The following PINX1 variants were observed in gnomAD, a reference collection of about 807,000 sequenced individuals.
PINX1 encodes PIN2/TERF1-interacting telomerase inhibitor 1.
Under a neutral mutation model 25.4 loss-of-function variants are expected in PINX1, and 34 were observed. The ratio of observed to expected loss-of-function variants is 1.34; its 90% CI spans 1.02 to 1.78. The LOEUF is 1.78. Ranked by LOEUF, PINX1 falls within the 40% of genes most tolerant of loss-of-function variation. PINX1 has a pLI of 0.00. For synonymous variants in PINX1, 197 were observed against 147.7 expected (o/e 1.33, Z -2.42); for missense variants, 592 against 404.9 (o/e 1.46, Z -3.97).
At chr8:10,813,701 G>C (rs1338163250) in intron 6 of PINX1, among the ~76,000 whole-genome samples, 1 of 152,154 alleles carries the variant, frequency 6.6e-6, no homozygotes, top group Non-Finnish European at 1.5e-5. Flanking sequence ...AATTCAATCA[G>C]GTTAGAGAGG....
At chr8:10,772,869 G>C (rs1801272373) in intron 6 of PINX1, among the ~76,000 whole-genome samples, 1 of 152,136 alleles carries the variant, frequency 6.6e-6, no homozygotes, top group Non-Finnish European at 1.5e-5. Context: ...AGGGGTTCCA[G>C]AGGGTTCTCT....
At position 10,832,879 on chromosome 8, in the gene PINX1, C is replaced by A; in HGVS notation, c.222+13G>T. 1 of 1,543,984 alleles carries A rather than the reference C, an allele frequency of 6.5e-7. No individual in the cohort carries two copies. Among genetic ancestry groups the A allele is most frequent in the Non-Finnish European group, 8.9e-7 (1 of 1,118,762 alleles). ...TATGCAAAGACACCCAGGAGGCACA[C>A]ACTGCTGCTCACTTCATTATTGATG... On this transcript the variant is annotated intron_variant, in intron 3 of 6. Transcript: ENST00000314787.
intron 6 of PINX1, among the ~76,000 whole-genome samples, chr8:10,773,264 C>T (rs1022529612): frequency 6.6e-5 from 10 of 152,146 alleles, no homozygotes; most frequent in East Asian, 5.8e-4. Context: ...AACTGGAGGA[C>T]GCTGGGCTTT....
rs1283140190 is a variant in PINX1 at position 10,797,680 on chromosome 8, TTCA to T, written c.471+22510_471+22512del. Among the ~76,000 whole-genome samples the T allele has an allele frequency of 9.2e-5, 14 of 152,350 alleles. No individual in the cohort carries two copies. In the South Asian group the frequency reaches 2.9e-3, roughly 32 times the overall value. On this transcript the variant is annotated intron_variant, in intron 6 of 6. Transcript: ENST00000314787. ...CTGAAATTCACTTTATTTCTAGCAC[TTCA>T]TCATCACAGCAAAAGATGCCTCAAA... is the stretch of plus-strand genomic sequence containing the variant.
intron 1 of PINX1, among the ~76,000 whole-genome samples, chr8:10,837,425 T>A (rs1172290327): frequency 6.6e-6 from 1 of 152,212 alleles, no homozygotes; most frequent in Non-Finnish European, 1.5e-5. Context: ...TTGCTCTACA[T>A]CCTTTTGCTG....
chr8:10,774,829 G>A (rs1801338395), intron 6 of PINX1, among the ~76,000 whole-genome samples: 2 of 152,006 alleles, frequency 1.3e-5, no homozygotes, highest in African/African-American at 4.8e-5. Flanking sequence ...ATATTTTTAG[G>A]AGTAAATTTG....
intron 6 of PINX1, among the ~76,000 whole-genome samples, chr8:10,781,583 A>G (rs1057008528): frequency 5.9e-5 from 9 of 152,252 alleles, no homozygotes; most frequent in Non-Finnish European, 1.0e-4. Flanking sequence ...CATGACCAAA[A>G]GATGCTCAAC....
At chr8:10,800,043 A>G in intron 6 of PINX1, among the ~76,000 whole-genome samples, 1 of 151,922 alleles carries the variant, frequency 6.6e-6, no homozygotes, top group South Asian at 2.1e-4. Context: ...CACATCCCGG[A>G]CTCTTTCTAC....
rs1474630343 is a variant in PINX1, at chr8:10,834,438, G to A, written c.129+228C>T. The A allele has an allele frequency of 5.4e-6, 3 of 551,046 alleles. No individual in the cohort carries two copies. The African/African-American group carries it at 5.8e-5, about 11-fold the overall frequency. The allele number at this position is 551,046 out of a possible 1,614,324, so 34.1% of individuals were successfully genotyped here. A position where few individuals can be genotyped will look rare whatever the true frequency, so the allele number is the denominator to read the frequency against. On this transcript the variant is annotated intron_variant, in intron 2 of 6. Transcript: ENST00000314787. The stretch of plus-strand genomic sequence containing the variant: ...AAGGGAAAAAGCGTGTAGCCTAGTT[G>A]CAATGTCTATGAAAGATGCTAAGCA...
At position 10,780,566 on chromosome 8, in the gene PINX1, A is replaced by C. The variant is rs186616900; in HGVS notation, c.472-14650T>G. Among the ~76,000 whole-genome samples, 12 of 152,266 alleles carry C rather than the reference A, an allele frequency of 7.9e-5. No individual in the cohort carries two copies. The East Asian group carries it at 2.3e-3, about 29-fold the overall frequency. On this transcript the variant is annotated intron_variant, in intron 6 of 6. Transcript: ENST00000314787. The stretch of plus-strand genomic sequence containing the variant: ...CCAAGGATAAATCCCAAACAAATGA[A>C]AACCTAGCTGAAAAAGAAACCAAGA...
At chr8:10,769,616 A>G (rs895989327) in intron 6 of PINX1, among the ~76,000 whole-genome samples, 1 of 152,236 alleles carries the variant, frequency 6.6e-6, no homozygotes, top group East Asian at 1.9e-4. Context: ...CGTGCCAGGC[A>G]CTTGACATCA....
chr8:10,790,857 T>A lies in PINX1; in HGVS notation c.472-24941A>T, dbSNP rs562216965. On this transcript the variant is annotated intron_variant, in intron 6 of 6. Coordinates refer to ENST00000314787, the MANE Select transcript of PINX1 (RefSeq NM_017884.6). The stretch of plus-strand genomic sequence containing the variant: ...TCTCAAGTACACGCAAAACAAACAG[T>A]CTATACTCCCTGCAGATGTCTAATG... 3.1e-3 allele frequency among the ~76,000 whole-genome samples: 466 copies of A among 152,008 alleles called. 2 individuals are homozygous for A. The highest frequency in any genetic ancestry group is 0.01 in the African/African-American group (433 of 41,444).
chr8:10,775,171 G>C (rs916028070), intron 6 of PINX1, among the ~76,000 whole-genome samples: 3 of 152,122 alleles, frequency 2.0e-5, no homozygotes, highest in Admixed American at 1.3e-4. Context: ...TTTTACACAA[G>C]CTGTAAGTTT....
intron 6 of PINX1, among the ~76,000 whole-genome samples, chr8:10,776,777 C>A (rs375089655): frequency 6.6e-6 from 1 of 152,084 alleles, no homozygotes; most frequent in Admixed American, 6.5e-5. Context: ...GAGTCGCCAC[C>A]CTGCTCCCTT....
intron 6 of PINX1, among the ~76,000 whole-genome samples, chr8:10,812,572 C>A (rs1563225696): frequency 6.6e-6 from 1 of 152,214 alleles, no homozygotes; most frequent in African/African-American, 2.4e-5. Context: ...TCAGTCAGTG[C>A]TAGTTCTTCC....
intron 6 of PINX1, among the ~76,000 whole-genome samples, chr8:10,799,722 G>A (rs747421320): frequency 6.6e-6 from 1 of 152,196 alleles, no homozygotes; most frequent in African/African-American, 2.4e-5. Flanking sequence ...TGAGTGACGG[G>A]ACATGACACA....
intron 6 of PINX1, among the ~76,000 whole-genome samples, chr8:10,794,819 G>C (rs758543338): frequency 6.6e-6 from 1 of 152,134 alleles, no homozygotes; most frequent in African/African-American, 2.4e-5. Context: ...ATGTTTTTAA[G>C]ATTCCATTTT....
At chr8:10,831,626 A>G (rs377354867) in intron 4 of PINX1, 39 bp downstream of exon 4, 12 of 1,252,132 alleles carry the variant, frequency 9.6e-6, no homozygotes, top group South Asian at 1.3e-5. Context: ...GTAGATAAAC[A>G]TATTTGCATT....
chr8:10,765,988 C>T (rs926917140), intron 6 of PINX1, 72 bp from the exon 7 acceptor site: 3 of 1,468,372 alleles, frequency 2.0e-6, no homozygotes, highest in Admixed American at 1.9e-5. Context: ...CAGGAGGCAC[C>T]CACACCCGGC....
Sources: allele counts gnomAD v4.1 joint callset (sites outside exome capture counted in the v4.1 genomes callset), GRCh38; gene constraint gnomAD v4.1.1; transcripts MANE v1.5; gene names NCBI Gene and HGNC (gene_info 2026-07-23, HGNC 2026-07-21).